The following IRAK3 variants were observed in gnomAD, a reference collection of about 807,000 sequenced individuals.
IRAK3 encodes the protein interleukin-1 receptor-associated kinase 3.
In IRAK3, 57 loss-of-function variants were observed where a neutral mutation model predicts 56.6. The observed-to-expected ratio is 1.01, with a 90% CI of 0.81 to 1.26. The LOEUF is 1.26. IRAK3 is among the 50% of genes most tolerant of loss of function. IRAK3 has a pLI of 0.00. For synonymous variants in IRAK3, 258 were observed against 255.7 expected (o/e 1.01, Z -0.09); for missense variants, 703 against 719.0 (o/e 0.98, Z 0.25).
rs114610097 is a variant in IRAK3 at position 66,245,286 on chromosome 12, C to T, written c.1314+24C>T. On this transcript the variant is annotated intron_variant, in intron 11 of 11. Coordinates refer to ENST00000261233, the MANE Select transcript of IRAK3 (RefSeq NM_007199.3). ...AAGTGAGTATATACATGGTTTTATT[C>T]AAAACTGAGCCCACAGAACCATGGA... 3.9e-4 allele frequency: 624 copies of T among 1,611,558 alleles called. 4 individuals carry two copies. The African/African-American group carries it at 7.3e-3, about 19-fold the overall frequency.
In IRAK3 at chr12:66,211,448, A is replaced by G. The variant is rs1152888; in HGVS notation, c.439A>G (p.Ile147Val). 0.9 allele frequency: 1,428,828 copies of G among 1,589,414 alleles called. 652,620 individuals carry two copies. The highest frequency in any genetic ancestry group is 0.94 in the Non-Finnish European group (1,085,003 of 1,157,896). ...VLIPEHNEKGILLKSSISFQN... is the reference protein window; with the variant it reads ...VLIPEHNEKGVLLKSSISFQN... ...TTCCCCCTACTTTCCTTCCTAAGGA[A>G]TACTGCTTAAATCTTCCATCAGCTT... Residue 147 changes from isoleucine (I) to valine (V), a missense_variant and splice_region_variant, in exon 5 of 12, where the codon ATA (isoleucine) becomes GTA (valine). Transcript: ENST00000261233.
intron 8 of IRAK3, among the ~76,000 whole-genome samples, chr12:66,237,435 G>A (rs909271867): frequency 1.3e-5 from 2 of 152,064 alleles, no homozygotes; most frequent in African/African-American, 4.8e-5. Flanking sequence ...TCTATATACA[G>A]CTAAAGAAAA....
chr12:66,206,469 A>G (rs1012006318), intron 2 of IRAK3, among the ~76,000 whole-genome samples: 2 of 152,192 alleles, frequency 1.3e-5, no homozygotes, highest in African/African-American at 4.8e-5. Flanking sequence ...TTTGTCATCT[A>G]TTGAAATGAA....
At chr12:66,240,027 T>C (rs1445290217) in intron 8 of IRAK3, among the ~76,000 whole-genome samples, 2 of 152,204 alleles carry the variant, frequency 1.3e-5, no homozygotes, top group Admixed American at 6.5e-5. Context: ...CCTGTATTTT[T>C]GTTCCTTGAG....
intron 8 of IRAK3, chr12:66,234,666 G>T (rs1295914598): frequency 6.2e-7 from 1 of 1,610,540 alleles, no homozygotes; most frequent in African/African-American, 1.3e-5. Context: ...GAAACTCCTG[G>T]TGGTGTCTTA....
intron 1 of IRAK3, among the ~76,000 whole-genome samples, chr12:66,198,688 A>G (rs1183764138): frequency 6.6e-6 from 1 of 152,062 alleles, no homozygotes; most frequent in Non-Finnish European, 1.5e-5. Flanking sequence ...CTATGAATTT[A>G]TATGATACAG....
At chr12:66,211,138 A>G (rs968893946) in intron 4 of IRAK3, among the ~76,000 whole-genome samples, 10 of 152,208 alleles carry the variant, frequency 6.6e-5, no homozygotes, top group African/African-American at 2.4e-4. Flanking sequence ...ACAGCAACAC[A>G]TTGACCTAAT....
chr12:66,247,669 A>C, intron 11 of IRAK3, 26 bp from the exon 12 acceptor site: 1 of 1,350,736 alleles, frequency 7.4e-7, no homozygotes, highest in Admixed American at 1.7e-5. Context: ...ACTTAATTTA[A>C]TGTCTGTTTG....
At chr12:66,235,894 G>T (rs1164273923) in intron 8 of IRAK3, among the ~76,000 whole-genome samples, 1 of 152,092 alleles carries the variant, frequency 6.6e-6, no homozygotes, top group Non-Finnish European at 1.5e-5. Flanking sequence ...AAAGAAGTAT[G>T]TTCTAGTCTA....
Position 66,209,499 on chromosome 12 carries a change from AT to A in IRAK3, c.363del (p.Pro122GlnfsTer38). 6.3e-7 allele frequency: 1 copy of A among 1,592,810 alleles called. No individual in the cohort carries two copies. Among genetic ancestry groups the A allele is most frequent in the Non-Finnish European group, 8.6e-7 (1 of 1,160,848 alleles). On this transcript the variant is annotated frameshift_variant, in exon 3 of 12. Transcript: ENST00000261233. LOFTEE classifies it high-confidence loss of function. The part of the protein sequence containing the change: ...PSEKSYQEGG[F>X]PNILFKETAN... ...CAGAGAAGAGTTATCAGGAAGGTGG[AT>A]TTCCAAATATATTATTCAAGGTAGA...
At chr12:66,227,613 A>T (rs1340237575) in intron 7 of IRAK3, among the ~76,000 whole-genome samples, 1 of 140,504 alleles carries the variant, frequency 7.1e-6, no homozygotes, top group Non-Finnish European at 1.6e-5. Context: ...AAACAAACAA[A>T]CTGCTGGTCA....
chr12:66,197,142 C>A, intron 1 of IRAK3: 2 of 1,267,070 alleles, frequency 1.6e-6, no homozygotes, highest in Non-Finnish European at 2.0e-6. Context: ...GACTCCAATA[C>A]GACTTTCAAC....
rs2052611438 is a variant in IRAK3 at position 66,211,513 on chromosome 12, C to T, written c.504C>T (p.Asp168=). ...AAGGAACTAGAAATTTCCACAAAGA[C>T]TTCCTAATTGGAGAAGGAGAGATTT... ...IIEGTRNFHK[D]FLIGEGEIFE... The change falls in exon 5 of 12, where the codon GAC becomes GAT. Residue 168 remains aspartate (D), a synonymous_variant. Coordinates refer to ENST00000261233, the MANE Select transcript of IRAK3 (RefSeq NM_007199.3). 1 of 1,607,362 alleles carries T rather than the reference C, an allele frequency of 6.2e-7. No individual in the cohort carries two copies. Among genetic ancestry groups the T allele is most frequent in the Non-Finnish European group, 8.5e-7 (1 of 1,173,856 alleles).
chr12:66,198,063 T>A lies in IRAK3; in HGVS notation c.134-5648T>A, dbSNP rs191746617. 5,232 of 985,172 alleles carry A rather than the reference T, an allele frequency of 5.3e-3. 19 individuals are homozygous for A. The highest frequency in any genetic ancestry group is 6.0e-3 in the Non-Finnish European group (4,970 of 829,682). 61.0% of individuals were successfully genotyped at this position (985,172 alleles called of 1,614,324 possible). On this transcript the variant is annotated intron_variant, in intron 1 of 11. Transcript: ENST00000261233. ...GGCAATTGTTGTGAGCTAGAACATG[T>A]TTATACCTTTTTATGTATAAATATT...
intron 4 of IRAK3, among the ~76,000 whole-genome samples, chr12:66,210,439 C>CA (rs3830660): frequency 0.87 from 132,235 of 152,084 alleles, 58,346 homozygotes; most frequent in Non-Finnish European, 0.94. Context: ...TCTCTTCACA[C>CA]GGGGGATATT....
At chr12:66,234,165 C>T in intron 8 of IRAK3, 1 of 1,614,196 alleles carries the variant, frequency 6.2e-7, no homozygotes, top group African/African-American at 1.3e-5. Context: ...ACAGGAGCCG[C>T]TGTCGTCTGC....
chr12:66,245,150 C>G lies in IRAK3; in HGVS notation c.1202C>G (p.Ser401Ter). Reference protein sequence around the residue: ...MEKRGLDSCLSFLDKKVPPCP... With the variant: ...MEKRGLDSCL Reference sequence around the variant, plus strand: ...AAGAGAGGCCTGGATTCATGTCTCTCATTTCTAGATAAGAAAGTGCCTCCC... The same window carrying G: ...AAGAGAGGCCTGGATTCATGTCTCTGATTTCTAGATAAGAAAGTGCCTCCC... Residue 401 changes from serine to a stop codon, truncating the protein, a stop_gained, in exon 11 of 12, where the codon TCA becomes TGA. Coordinates refer to ENST00000261233, the MANE Select transcript of IRAK3 (RefSeq NM_007199.3). LOFTEE classifies it high-confidence loss of function. 2 of 1,614,150 alleles carry G rather than the reference C, an allele frequency of 1.2e-6. No homozygotes were observed. Among genetic ancestry groups the G allele is most frequent in the Non-Finnish European group, 1.7e-6 (2 of 1,180,010 alleles).
At chr12:66,234,413 G>A (rs537565782) in intron 8 of IRAK3, 3 of 1,611,078 alleles carry the variant, frequency 1.9e-6, no homozygotes, top group African/African-American at 2.7e-5. Flanking sequence ...AGATACAGGA[G>A]ATACAATATA....
At chr12:66,191,068 G>T (rs1276967347) in intron 1 of IRAK3, among the ~76,000 whole-genome samples, 1 of 152,138 alleles carries the variant, frequency 6.6e-6, no homozygotes, top group African/African-American at 2.4e-5. Context: ...CAGCACCATT[G>T]CTTGTGTTTG....
Sources: allele counts gnomAD v4.1 joint callset (sites outside exome capture counted in the v4.1 genomes callset), GRCh38; gene constraint gnomAD v4.1.1; transcripts MANE v1.5; gene names NCBI Gene and HGNC (gene_info 2026-07-23, HGNC 2026-07-21).